Variants in EARS2 observed in about 807,000 individuals in gnomAD.
EARS2 encodes nondiscriminating glutamyl-tRNA synthetase EARS2, mitochondrial.
Under a neutral mutation model 54.1 loss-of-function variants are expected in EARS2, and 50 were observed. That is an observed-to-expected ratio of 0.92 (90% CI 0.74 to 1.17). EARS2 has a LOEUF of 1.17. Ranked by LOEUF, EARS2 falls within the 50% of genes most tolerant of loss-of-function variation. The probability of loss-of-function intolerance (pLI) is 0.00; values close to 1 mark genes in which losing one functional copy is unlikely to be tolerated. For synonymous variants in EARS2, 298 were observed against 281.0 expected, an observed-to-expected ratio of 1.06 and a Z score of -0.61; for missense variants, 673 against 675.0, an observed-to-expected ratio of 1.00 and a Z score of 0.03.
rs372037685 is a variant in EARS2 at position 23,521,896 on chromosome 16, G to A, written c.*2475C>T. The A allele has an allele frequency of 4.4e-5, 20 of 452,422 alleles. No homozygotes were observed. Among genetic ancestry groups the A allele is most frequent in the East Asian group, 3.5e-4 (5 of 14,360 alleles). 28.0% of individuals were successfully genotyped at this position (452,422 alleles called of 1,614,324 possible). A position where few individuals can be genotyped will look rare whatever the true frequency, so the allele number is the denominator to read the frequency against. On this transcript the variant is annotated 3_prime_UTR_variant, in exon 9 of 9. Transcript: ENST00000449606. Reference sequence around the variant, plus strand: ...AGAGTTAAGCTTGGACTCTGGATCGGCACAGATCTGAGTTTAAATCTTGGT... The same window carrying A: ...AGAGTTAAGCTTGGACTCTGGATCGACACAGATCTGAGTTTAAATCTTGGT...
intron 2 of EARS2, among the ~76,000 whole-genome samples, chr16:23,549,512 T>C (rs1159208517): frequency 1.3e-5 from 2 of 152,198 alleles, no homozygotes; most frequent in East Asian, 1.9e-4. Flanking sequence ...GAAGGAATTC[T>C]GTAACATGAT....
intron 3 of EARS2, among the ~76,000 whole-genome samples, chr16:23,541,688 T>C (rs560509481): frequency 2.1e-4 from 27 of 129,824 alleles, no homozygotes; most frequent in Non-Finnish European, 4.0e-4. Context: ...ATATATATCT[T>C]TGTGGATCTT....
intron 2 of EARS2, among the ~76,000 whole-genome samples, chr16:23,550,234 G>C (rs763762122): frequency 6.6e-6 from 1 of 151,922 alleles, no homozygotes; most frequent in Non-Finnish European, 1.5e-5. Flanking sequence ...GGGCATGGTG[G>C]CACACAGCTA....
intron 7 of EARS2, among the ~76,000 whole-genome samples, chr16:23,528,647 T>C (rs1381432607): frequency 3.3e-5 from 5 of 152,212 alleles, no homozygotes; most frequent in Non-Finnish European, 7.3e-5. Context: ...ACGCCTGTAA[T>C]CCCAGCACTC....
intron 3 of EARS2, among the ~76,000 whole-genome samples, chr16:23,539,268 T>A (rs1389251491): frequency 6.6e-6 from 1 of 152,200 alleles, no homozygotes; most frequent in East Asian, 1.9e-4. Flanking sequence ...GATCTTTTAG[T>A]TTCAACTAAG....
At chr16:23,547,602 TC>T in intron 2 of EARS2, among the ~76,000 whole-genome samples, 1 of 152,222 alleles carries the variant, frequency 6.6e-6, no homozygotes, top group East Asian at 1.9e-4. Flanking sequence ...ACCTCCCGGT[TC>T]AAGCAATTCT....
intron 3 of EARS2, among the ~76,000 whole-genome samples, chr16:23,543,440 A>C (rs1271167919): frequency 1.4e-5 from 2 of 144,860 alleles, no homozygotes; most frequent in Non-Finnish European, 3.0e-5. Context: ...CAACAACAAC[A>C]AAAAAAAAAC....
intron 2 of EARS2, among the ~76,000 whole-genome samples, chr16:23,547,830 G>A (rs1965629124): frequency 6.6e-6 from 1 of 151,680 alleles, no homozygotes; most frequent in Non-Finnish European, 1.5e-5. Flanking sequence ...GGCATGCTGG[G>A]TCATGCCTGT....
At chr16:23,549,432 A>C (rs1432853919) in intron 2 of EARS2, among the ~76,000 whole-genome samples, 1 of 152,208 alleles carries the variant, frequency 6.6e-6, no homozygotes, top group Non-Finnish European at 1.5e-5. Context: ...AAATGGGCCC[A>C]GAAGGCCCAA....
At chr16:23,552,007 C>G (rs1474410132) in intron 2 of EARS2, 142 bp downstream of exon 2, 19 of 994,942 alleles carry the variant, frequency 1.9e-5, no homozygotes, top group Non-Finnish European at 2.8e-5. Flanking sequence ...TCATCTGCCA[C>G]CCCGGGCAGG....
intron 7 of EARS2, among the ~76,000 whole-genome samples, chr16:23,527,919 T>C (rs1221504866): frequency 3.3e-5 from 5 of 152,184 alleles, no homozygotes. Flanking sequence ...AATTCATATG[T>C]TGAAATTTTA....
In EARS2 at chr16:23,532,726, T is replaced by C. The variant is rs758915563; in HGVS notation, c.998A>G (p.Gln333Arg). The C allele has an allele frequency of 1.9e-6, 3 of 1,613,982 alleles. No individual in the cohort carries two copies. Among genetic ancestry groups the C allele is most frequent in the Non-Finnish European group, 2.5e-6 (3 of 1,180,004 alleles). Residue 333 changes from glutamine (Q) to arginine (R), a missense_variant, in exon 5 of 9, where the codon CAG becomes CGG. By Grantham distance (43) the Gln-to-Arg change is conservative. Coordinates refer to ENST00000449606, the MANE Select transcript of EARS2 (RefSeq NM_001083614.2). ...MGRTLPELITQFNLTQVTCHS... is the reference protein window; with the variant it reads ...MGRTLPELITRFNLTQVTCHS... ...ACAGGTGACCTGTGTCAGGTTGAACTGTGTGATCAGCTCCGGCAGGGTCCT... is the reference window on the plus strand; with the variant it reads ...ACAGGTGACCTGTGTCAGGTTGAACCGTGTGATCAGCTCCGGCAGGGTCCT...
chr16:23,544,461 T>C (rs901535528), intron 3 of EARS2, 53 bp downstream of exon 3: 4 of 1,553,116 alleles, frequency 2.6e-6, no homozygotes, highest in East Asian at 4.5e-5. Flanking sequence ...CAGCACAAGG[T>C]AACAAACACA....
At chr16:23,525,204 G>C (rs374722586) in intron 8 of EARS2, 40 bp downstream of exon 8, 2 of 1,613,894 alleles carry the variant, frequency 1.2e-6, no homozygotes, top group Admixed American at 1.7e-5. Context: ...GGATCAATGA[G>C]GGGCTCCAGG....
intron 1 of EARS2, among the ~76,000 whole-genome samples, chr16:23,556,005 A>T (rs974528140): frequency 1.3e-5 from 2 of 152,222 alleles, no homozygotes; most frequent in Non-Finnish European, 2.9e-5. Context: ...TCATTATATT[A>T]ATTTTGTGCA....
intron 8 of EARS2, 152 bp downstream of exon 8, chr16:23,525,092 A>C (rs1325016970): frequency 1.0e-6 from 1 of 979,430 alleles, no homozygotes; most frequent in East Asian, 2.4e-5. Flanking sequence ...TAGGTACTCA[A>C]TAGTGTCTGT....
rs1567375298 is a variant in EARS2, at chr16:23,521,764, T to C, written c.*2607A>G. The C allele has an allele frequency of 2.2e-6, 1 of 449,544 alleles. No homozygotes were observed. Among genetic ancestry groups the C allele is most frequent in the Non-Finnish European group, 4.4e-6 (1 of 225,282 alleles). The allele number at this position is 449,544 out of a possible 1,614,324, so 27.8% of individuals were successfully genotyped here. The stretch of plus-strand genomic sequence containing the variant: ...ATATACCAGAATCGACTTAGTATTT[T>C]GACCACTCACTTTGTTAAAAACACT... On this transcript the variant is annotated 3_prime_UTR_variant, in exon 9 of 9. Coordinates refer to ENST00000449606, the MANE Select transcript of EARS2 (RefSeq NM_001083614.2).
chr16:23,527,708 C>T (rs1017962927), intron 7 of EARS2, among the ~76,000 whole-genome samples: 1 of 152,038 alleles, frequency 6.6e-6, no homozygotes, highest in Non-Finnish European at 1.5e-5. Flanking sequence ...CGCCCACCAC[C>T]ACACCCGGCT....
At chr16:23,548,168 A>G (rs897982664) in intron 2 of EARS2, among the ~76,000 whole-genome samples, 4 of 151,706 alleles carry the variant, frequency 2.6e-5, no homozygotes, top group African/African-American at 9.7e-5. Flanking sequence ...CGGGAGGTGG[A>G]GCTTGCAGTG....
Sources: gnomAD v4.1 joint callset for allele counts (sites outside exome capture counted in the v4.1 genomes callset) on GRCh38, gnomAD v4.1.1 for gene constraint, MANE v1.5 for transcripts, NCBI Gene and HGNC (gene_info 2026-07-23, HGNC 2026-07-21) for gene names.